RS1: variants seen among roughly 807,000 people sequenced by gnomAD.
RS1 encodes the protein retinoschisin.
Under a neutral mutation model 20.8 loss-of-function variants are expected in RS1, and 2 were observed. That is an observed-to-expected ratio of 0.10 (90% CI 0.04 to 0.30). The LOEUF is 0.30. Among genes scored for constraint, RS1 ranks in the 10% least tolerant of loss-of-function variants. RS1 has a pLI of 1.00. For synonymous variants in RS1, 70 were observed against 75.8 expected (o/e 0.92, Z 0.40); for missense variants, 151 against 189.8 (o/e 0.80, Z 1.20).
At chrX:18,644,229 G>C (rs1014154398) in intron 5 of RS1, among the ~76,000 whole-genome samples, 4 of 111,760 alleles carry the variant, frequency 3.6e-5, no homozygotes, top group African/African-American at 9.8e-5. Context: ...CTTAAGAATA[G>C]CATTCATTTG....
chrX:18,645,755 G>A (rs754670218), intron 4 of RS1, among the ~76,000 whole-genome samples: 1 of 110,385 alleles, frequency 9.1e-6, no homozygotes, highest in Non-Finnish European at 1.9e-5. Context: ...ATATTTATCC[G>A]GCAGAGTCTG....
At chrX:18,648,738 G>C (rs1927898969) in intron 3 of RS1, among the ~76,000 whole-genome samples, 1 of 111,767 alleles carries the variant, frequency 8.9e-6, no homozygotes, top group Admixed American at 9.5e-5. Context: ...CTGTTGCCTA[G>C]ATCACATCTG....
chrX:18,647,507 CAAGA>C (rs773911775), intron 3 of RS1, 175 bp from the exon 4 acceptor site: 1 of 479,590 alleles, frequency 2.1e-6, no homozygotes, highest in Non-Finnish European at 3.6e-6. Context: ...ACTACTCACG[CAAGA>C]AAGGAATGAA....
rs765244262 is a variant in RS1, at chrX:18,653,721, C to T, written c.184+2932G>A. 3.0e-4 allele frequency: 192 copies of T among 634,377 alleles called. 1 individual carries two copies. Among genetic ancestry groups the T allele is most frequent in the Middle Eastern group, 9.0e-4 (2 of 2,210 alleles). The allele number at this position is 634,377 out of a possible 1,213,427, so 52.3% of individuals were successfully genotyped here. A position where few individuals can be genotyped will look rare whatever the true frequency, so the allele number is the denominator to read the frequency against. On this transcript the variant is annotated intron_variant, in intron 3 of 5. Coordinates refer to ENST00000379984, the MANE Select transcript of RS1 (RefSeq NM_000330.4). ...CAGTGGCTCACGCCTGTAATCCCAG[C>T]ACTTTGGGAGGCCGAGCAGGTGCAT...
In RS1 at chrX:18,669,185, C is replaced by G. The variant is rs148384054; in HGVS notation, c.52+2832G>C. On this transcript the variant is annotated intron_variant, in intron 1 of 5. Coordinates refer to ENST00000379984, the MANE Select transcript of RS1 (RefSeq NM_000330.4). ...TGTGCGGTGTAAGAGAAATAGAAGC[C>G]TGACTCAATTATAAGACATAGGAAG... Among the ~76,000 whole-genome samples the G allele has an allele frequency of 6.3e-3, 703 of 110,710 alleles. 2 individuals carry two copies. Among genetic ancestry groups the G allele is most frequent in the African/African-American group, 0.021 (647 of 30,502 alleles).
intron 5 of RS1, 145 bp downstream of exon 5, chrX:18,644,285 A>G: frequency 3.5e-6 from 2 of 575,132 alleles, no homozygotes; most frequent in Non-Finnish European, 6.1e-6. Context: ...GAAAGAGAGC[A>G]CAGCACATTG....
chrX:18,648,746 C>T, intron 3 of RS1, among the ~76,000 whole-genome samples: 1 of 111,828 alleles, frequency 8.9e-6, no homozygotes, highest in Middle Eastern at 4.6e-3. Context: ...TAGATCACAT[C>T]TGATAGTTGG....
chrX:18,641,929 G>A lies in RS1; in HGVS notation c.*75C>T, dbSNP rs981434245. The A allele has an allele frequency of 6.0e-5, 65 of 1,081,860 alleles. No homozygotes were observed. The highest frequency in any genetic ancestry group is 8.0e-5 in the Non-Finnish European group (63 of 784,515). 89.2% of individuals were successfully genotyped at this position (1,081,860 alleles called of 1,213,427 possible). The stretch of plus-strand genomic sequence containing the variant: ...GCGAAATATAGCCCTGTCCATCTCG[G>A]TGGTGTGTGAGGGGGTCCCCTACGG... On this transcript the variant is annotated 3_prime_UTR_variant, in exon 6 of 6. Coordinates refer to ENST00000379984, the MANE Select transcript of RS1 (RefSeq NM_000330.4).
intron 3 of RS1, chrX:18,653,508 G>A: frequency 1.7e-6 from 2 of 1,211,904 alleles, no homozygotes; most frequent in Non-Finnish European, 2.2e-6. Flanking sequence ...CTGCGCTCCT[G>A]ACATACCATG....
At chrX:18,658,944 G>T (rs1384763683) in intron 1 of RS1, among the ~76,000 whole-genome samples, 2 of 111,282 alleles carry the variant, frequency 1.8e-5, no homozygotes, top group African/African-American at 6.5e-5. Context: ...TAATGTACAG[G>T]AAATATCAAA....
Position 18,641,360 on chromosome X carries a change from C to A in RS1, c.*644G>T, listed in dbSNP as rs781291294. On this transcript the variant is annotated 3_prime_UTR_variant, in exon 6 of 6. Coordinates refer to ENST00000379984, the MANE Select transcript of RS1 (RefSeq NM_000330.4). ...TCCCTGTGTTCATGAGGGTGGAAGCCCAGATCCGCCTTGAAGGTAAGAACT... is the reference window on the plus strand; with the variant it reads ...TCCCTGTGTTCATGAGGGTGGAAGCACAGATCCGCCTTGAAGGTAAGAACT... The A allele has an allele frequency of 8.8e-6, 1 of 113,347 alleles. No individual in the cohort carries two copies. Among genetic ancestry groups the A allele is most frequent in the Non-Finnish European group, 1.8e-5 (1 of 54,330 alleles). 9.3% of individuals were successfully genotyped at this position (113,347 alleles called of 1,213,427 possible).
intron 1 of RS1, among the ~76,000 whole-genome samples, chrX:18,666,861 C>T (rs901809653): frequency 9.1e-6 from 1 of 109,902 alleles, no homozygotes; most frequent in Non-Finnish European, 1.9e-5. Context: ...CTGCCATTTG[C>T]GGGGCGGGCG....
Position 18,640,114 on chromosome X carries a change from C to T in RS1, c.*1890G>A, listed in dbSNP as rs1421744692. The T allele has an allele frequency of 9.0e-6, 1 of 111,215 alleles. No individual in the cohort carries two copies. The highest frequency in any genetic ancestry group is 3.3e-5 in the African/African-American group (1 of 30,525). 9.2% of individuals were successfully genotyped at this position (111,215 alleles called of 1,213,427 possible). On this transcript the variant is annotated 3_prime_UTR_variant, in exon 6 of 6. Transcript: ENST00000379984. ...GCACAACTCTGAATATACCAAAAGT[C>T]ATCAAATTGTACACTTTAAATGGAT...
In RS1 at chrX:18,646,079, CA is replaced by C; in HGVS notation, c.326+1111del. 8.3e-7 allele frequency: 1 copy of C among 1,211,836 alleles called. No individual in the cohort carries two copies. Among genetic ancestry groups the C allele is most frequent in the Non-Finnish European group, 1.1e-6 (1 of 895,511 alleles). On this transcript the variant is annotated intron_variant, in intron 4 of 5. Coordinates refer to ENST00000379984, the MANE Select transcript of RS1 (RefSeq NM_000330.4). ...GATAGACGCTTCATGTTAAGGACGA[CA>C]GAACAACAAGGTAGAGTCTGGGCCC...
chrX:18,647,953 A>C (rs1927855853), intron 3 of RS1, among the ~76,000 whole-genome samples: 1 of 111,496 alleles, frequency 9.0e-6, no homozygotes, highest in Non-Finnish European at 1.9e-5. Context: ...GCTAAAAGGA[A>C]CTGCTTTTTC....
At position 18,646,060 on chromosome X, in the gene RS1, C is replaced by T. The variant is rs267608664; in HGVS notation, c.326+1131G>A. On this transcript the variant is annotated intron_variant, in intron 4 of 5. Transcript: ENST00000379984. ...ACACCATTCTGGACCCCAAGATAGACGCTTCATGTTAAGGACGACAGAACA... is the reference window on the plus strand; with the variant it reads ...ACACCATTCTGGACCCCAAGATAGATGCTTCATGTTAAGGACGACAGAACA... The T allele has an allele frequency of 2.0e-5, 24 of 1,210,256 alleles. No individual in the cohort carries two copies. The highest frequency in any genetic ancestry group is 1.6e-4 in the South Asian group (9 of 56,829).
intron 4 of RS1, among the ~76,000 whole-genome samples, chrX:18,645,176 C>T (rs915655485): frequency 1.8e-5 from 2 of 112,097 alleles, no homozygotes; most frequent in African/African-American, 6.5e-5. Context: ...CCTCATAAAT[C>T]GTGGAAACCT....
intron 4 of RS1, chrX:18,645,876 A>G: frequency 9.7e-7 from 1 of 1,031,435 alleles, no homozygotes; most frequent in East Asian, 3.2e-5. Context: ...TCTCCCTTGC[A>G]ACTAGATGGG....
chrX:18,670,379 C>T (rs1252998139), intron 1 of RS1, among the ~76,000 whole-genome samples: 4 of 110,101 alleles, frequency 3.6e-5, no homozygotes, highest in Non-Finnish European at 7.6e-5. Flanking sequence ...AGGCACCTGC[C>T]ATCATGCCCA....
Sources: allele counts gnomAD v4.1 joint callset (sites outside exome capture counted in the v4.1 genomes callset), GRCh38; gene constraint gnomAD v4.1.1; transcripts MANE v1.5; gene names NCBI Gene and HGNC (gene_info 2026-07-23, HGNC 2026-07-21).